Variants in MORC1 observed in about 807,000 individuals in gnomAD.
MORC1 encodes MORC family CW-type zinc finger protein 1.
Under a neutral mutation model 134.9 loss-of-function variants are expected in MORC1, and 59 were observed. The observed-to-expected ratio is 0.44, with a 90% CI of 0.35 to 0.54. The LOEUF is 0.54. Among genes scored for constraint, MORC1 ranks in the 20% least tolerant of loss-of-function variants. The probability of loss-of-function intolerance (pLI) is 0.00; values close to 1 mark genes in which losing one functional copy is unlikely to be tolerated. For missense variants in MORC1, 947 were observed against 1,134.5 expected (o/e 0.83, Z 2.37); for synonymous variants, 395 against 391.7 (o/e 1.01, Z -0.10).
chr3:108,987,599 T>C (rs562312938), intron 21 of MORC1, among the ~76,000 whole-genome samples: 3 of 152,032 alleles, frequency 2.0e-5, no homozygotes, highest in East Asian at 3.9e-4. Context: ...AGGATGGATA[T>C]GTGCTGGTGT....
rs181097818 is a variant in MORC1, at chr3:109,031,980, G to A, written c.1565+740C>T. On this transcript the variant is annotated intron_variant, in intron 16 of 27. Coordinates refer to ENST00000232603, the MANE Select transcript of MORC1 (RefSeq NM_014429.4). The stretch of plus-strand genomic sequence containing the variant: ...AACCTGAGGACTCTAGATGAAAGGG[G>A]TTTTAGCAGCAGTTTCCAAATGTTT... Among the ~76,000 whole-genome samples the A allele has an allele frequency of 5.7e-4, 87 of 152,248 alleles. 2 individuals carry two copies. The highest frequency in any genetic ancestry group is 2.1e-4 in the Non-Finnish European group (14 of 68,016).
At chr3:109,009,851 A>C (rs557887696) in intron 17 of MORC1, among the ~76,000 whole-genome samples, 1 of 152,118 alleles carries the variant, frequency 6.6e-6, no homozygotes, top group South Asian at 2.1e-4. Context: ...CGTTTTCCTG[A>C]AAAGTGTGCC....
intron 3 of MORC1, 93 bp downstream of exon 3, chr3:109,110,656 G>C: frequency 9.4e-7 from 1 of 1,064,386 alleles, no homozygotes; most frequent in Non-Finnish European, 1.4e-6. Flanking sequence ...AAATTCTATA[G>C]AATGTGGTTT....
intron 3 of MORC1, chr3:109,110,008 C>T (rs1951127255): frequency 6.6e-6 from 1 of 152,224 alleles, no homozygotes; most frequent in Non-Finnish European, 1.5e-5. Context: ...TGAAGAGTGT[C>T]ATTTATTGTT....
chr3:108,969,599 T>C, intron 26 of MORC1, 70 bp downstream of exon 26: 2 of 1,434,138 alleles, frequency 1.4e-6, no homozygotes, highest in Non-Finnish European at 2.0e-6. Flanking sequence ...CATTTGGAAA[T>C]GTACATTATT....
intron 21 of MORC1, among the ~76,000 whole-genome samples, chr3:108,989,771 G>A (rs2107481515): frequency 6.6e-6 from 1 of 152,242 alleles, no homozygotes; most frequent in African/African-American, 2.4e-5. Flanking sequence ...TTAACATTAT[G>A]TTCCAGGCCC....
intron 14 of MORC1, among the ~76,000 whole-genome samples, chr3:109,052,991 T>G (rs559171269): frequency 3.9e-4 from 59 of 150,518 alleles, no homozygotes; most frequent in African/African-American, 1.4e-3. Flanking sequence ...AAGACATACA[T>G]GCAGCCAACA....
rs765708457 is a variant in MORC1, at chr3:109,027,856, T to G, written c.1599A>C (p.Pro533=). ...GTGATATTGTGCTCATGGTGCCCAG[T>G]GGGATGGAAGGTAGACATTCTACCT... ...CHQVECLPSI[P]LGTMSTISPS... The change falls in exon 17 of 28, where the codon CCA becomes CCC. Residue 533 remains proline, a synonymous_variant. Transcript: ENST00000232603. 6.2e-7 allele frequency: 1 copy of G among 1,613,618 alleles called. No homozygotes were observed. The highest frequency in any genetic ancestry group is 8.5e-7 in the Non-Finnish European group (1 of 1,179,802).
chr3:109,110,897 T>G, intron 2 of MORC1, 114 bp from the exon 3 acceptor site: 1 of 711,166 alleles, frequency 1.4e-6, no homozygotes, highest in Non-Finnish European at 2.2e-6. Flanking sequence ...TGCTTCAAAA[T>G]CAATTTCTAA....
At chr3:109,047,093 T>C (rs543549720) in intron 14 of MORC1, among the ~76,000 whole-genome samples, 4 of 152,310 alleles carry the variant, frequency 2.6e-5, no homozygotes, top group Admixed American at 2.6e-4. Flanking sequence ...CAAAGATGCA[T>C]TGTGAGCTGC....
intron 8 of MORC1, among the ~76,000 whole-genome samples, chr3:109,087,163 T>G (rs1284412297): frequency 1.1e-5 from 1 of 88,428 alleles, no homozygotes; most frequent in African/African-American, 4.0e-5. Flanking sequence ...CTTGAACAGG[T>G]GCTGAACCAC....
chr3:109,093,790 T>C (rs1203515469), intron 7 of MORC1, among the ~76,000 whole-genome samples: 2 of 152,214 alleles, frequency 1.3e-5, no homozygotes, highest in African/African-American at 2.4e-5. Context: ...TTACAAGTCT[T>C]TCAATGTGGA....
chr3:109,071,709 A>G (rs974262867), intron 8 of MORC1, among the ~76,000 whole-genome samples: 2 of 152,184 alleles, frequency 1.3e-5, no homozygotes, highest in Admixed American at 6.5e-5. Flanking sequence ...TCCATCTAGG[A>G]TAGCTTATTA....
intron 18 of MORC1, 51 bp downstream of exon 18, chr3:109,006,978 C>T: frequency 6.7e-7 from 1 of 1,486,370 alleles, no homozygotes; most frequent in Non-Finnish European, 9.2e-7. Context: ...GCTTCTCCTT[C>T]ACATGGTTAA....
chr3:109,001,246 C>T (rs1167790717), intron 20 of MORC1, among the ~76,000 whole-genome samples: 1 of 152,098 alleles, frequency 6.6e-6, no homozygotes, highest in African/African-American at 2.4e-5. Context: ...AATTATCCTA[C>T]CTCAGTCTCT....
intron 27 of MORC1, among the ~76,000 whole-genome samples, chr3:108,961,383 G>T (rs1947075441): frequency 6.6e-6 from 1 of 152,134 alleles, no homozygotes; most frequent in African/African-American, 2.4e-5. Context: ...CCTGAAGAAT[G>T]CCCTGTGACC....
chr3:108,970,711 C>T (rs145021305), intron 25 of MORC1, among the ~76,000 whole-genome samples: 2 of 152,214 alleles, frequency 1.3e-5, no homozygotes, highest in African/African-American at 4.8e-5. Context: ...CTTCCCTCCA[C>T]TTCTGCTGAG....
chr3:109,040,427 G>A lies in MORC1; in HGVS notation c.1331-4959C>T, dbSNP rs202117929. Among the ~76,000 whole-genome samples, 351 of 48,258 alleles carry A rather than the reference G, an allele frequency of 7.3e-3. 3 individuals are homozygous for A. The highest frequency in any genetic ancestry group is 0.02 in the Middle Eastern group (2 of 98). The allele number at this position is 48,258 out of a possible 152,430, so 31.7% of individuals were successfully genotyped here. On this transcript the variant is annotated intron_variant, in intron 14 of 27. Transcript: ENST00000232603. Reference sequence around the variant, plus strand: ...GAGAAGGAAGGAAGGAAGGAAGGAAGGAAAGAAAGAAAGAAAGAAAGAAAG... The same window carrying A: ...GAGAAGGAAGGAAGGAAGGAAGGAAAGAAAGAAAGAAAGAAAGAAAGAAAG...
intron 15 of MORC1, 101 bp downstream of exon 15, chr3:109,035,239 T>C (rs1266890858): frequency 9.1e-7 from 1 of 1,097,346 alleles, no homozygotes; most frequent in Non-Finnish European, 1.3e-6. Flanking sequence ...GAAAGCAAGA[T>C]GTCTTACCTT....
Sources: allele counts gnomAD v4.1 joint callset (sites outside exome capture counted in the v4.1 genomes callset), GRCh38; gene constraint gnomAD v4.1.1; transcripts MANE v1.5; gene names NCBI Gene and HGNC (gene_info 2026-07-23, HGNC 2026-07-21).